The following ERBB4 variants were observed in gnomAD, a reference collection of about 807,000 sequenced individuals.
ERBB4 encodes the protein receptor tyrosine-protein kinase erbB-4.
ERBB4 carries 42 observed loss-of-function variants against 158.0 expected under a neutral mutation model. That is an observed-to-expected ratio of 0.27 (90% CI 0.21 to 0.34). The LOEUF is 0.34. Ranked by LOEUF, ERBB4 falls within the 10% of genes least tolerant of loss-of-function variation. The pLI is 1.00. For missense variants in ERBB4, 1,333 were observed against 1,624.1 expected, an observed-to-expected ratio of 0.82 and a Z score of 3.08; for synonymous variants, 583 against 558.7, an observed-to-expected ratio of 1.04 and a Z score of -0.61.
intron 3 of ERBB4, among the ~76,000 whole-genome samples, chr2:211,797,379 A>C (rs1007150496): frequency 1.3e-5 from 2 of 151,948 alleles, no homozygotes; most frequent in African/African-American, 4.8e-5. Flanking sequence ...CCACTATATT[A>C]GTTTGTATAG....
In ERBB4 at chr2:211,679,170, C is replaced by G; in HGVS notation, c.1504G>C (p.Val502Leu). The G allele has an allele frequency of 1.2e-6, 2 of 1,613,802 alleles. No individual in the cohort carries two copies. Among genetic ancestry groups the G allele is most frequent in the South Asian group, 1.1e-5 (1 of 91,068 alleles). ...TCACTGGAACACAGATGGTTGCACA[C>G]CATTCCTTCAGCAGCTGTGAAACAC... The part of the protein sequence containing the change: ...KAENCTAEGM[V>L]CNHLCSSDGC... Residue 502 changes from valine (V) to leucine (L), a missense_variant, in exon 13 of 28, where the codon GTG (valine) becomes CTG (leucine). Physicochemically the swap from Val to Leu is conservative, Grantham distance 32. Coordinates refer to ENST00000342788, the MANE Select transcript of ERBB4 (RefSeq NM_005235.3).
At chr2:212,280,775 T>C (rs2085727554) in intron 1 of ERBB4, among the ~76,000 whole-genome samples, 1 of 151,560 alleles carries the variant, frequency 6.6e-6, no homozygotes, top group African/African-American at 2.4e-5. Flanking sequence ...GCATCATGAA[T>C]TGAATGAAAC....
intron 16 of ERBB4, among the ~76,000 whole-genome samples, chr2:211,646,843 G>C (rs2070796155): frequency 6.6e-6 from 1 of 151,584 alleles, no homozygotes; most frequent in South Asian, 2.1e-4. Flanking sequence ...GCAAAATAGG[G>C]TGACCTTCAA....
chr2:211,975,604 T>C (rs546614257), intron 2 of ERBB4, among the ~76,000 whole-genome samples: 2 of 152,308 alleles, frequency 1.3e-5, no homozygotes, highest in South Asian at 2.1e-4. Flanking sequence ...TTTCAAATTA[T>C]ATATTTTGAA....
chr2:211,624,669 T>G (rs1559358841), intron 17 of ERBB4, among the ~76,000 whole-genome samples: 1 of 152,226 alleles, frequency 6.6e-6, no homozygotes, highest in Admixed American at 6.5e-5. Context: ...GCATCATAAG[T>G]GAATGCTATG....
intron 3 of ERBB4, among the ~76,000 whole-genome samples, chr2:211,914,228 T>C (rs2079622720): frequency 6.6e-6 from 1 of 151,616 alleles, no homozygotes; most frequent in Non-Finnish European, 1.5e-5. Context: ...GTACAAGCTT[T>C]CTATGCAAAG....
At chr2:211,933,681 G>A (rs917446596) in intron 3 of ERBB4, among the ~76,000 whole-genome samples, 1 of 151,854 alleles carries the variant, frequency 6.6e-6, no homozygotes, top group Non-Finnish European at 1.5e-5. Flanking sequence ...AAAAGGACTC[G>A]ACTAACAGTA....
intron 1 of ERBB4, among the ~76,000 whole-genome samples, chr2:212,238,007 G>C (rs2083942337): frequency 6.6e-6 from 1 of 152,240 alleles, no homozygotes; most frequent in African/African-American, 2.4e-5. Context: ...ATTTTAGCTT[G>C]CTGGGCTCCA....
At position 211,382,333 on chromosome 2, in the gene ERBB4, G is replaced by A. The variant is rs1320367857; in HGVS notation, c.*1282C>T. The stretch of plus-strand genomic sequence containing the variant: ...AGCAAAGGTGACATATGAAGATAAT[G>A]TGCTGGCCTCTCATCATAGTCCCTG... On this transcript the variant is annotated 3_prime_UTR_variant, in exon 28 of 28. Coordinates refer to ENST00000342788, the MANE Select transcript of ERBB4 (RefSeq NM_005235.3). 1 of 232,356 alleles carries A rather than the reference G, an allele frequency of 4.3e-6. No individual in the cohort carries two copies. The highest frequency in any genetic ancestry group is 8.5e-6 in the Non-Finnish European group (1 of 117,540). The allele number at this position is 232,356 out of a possible 1,614,324, so 14.4% of individuals were successfully genotyped here. A position where few individuals can be genotyped will look rare whatever the true frequency, so the allele number is the denominator to read the frequency against.
intron 1 of ERBB4, among the ~76,000 whole-genome samples, chr2:212,242,852 C>T (rs1379777047): frequency 6.6e-6 from 1 of 152,136 alleles, no homozygotes; most frequent in African/African-American, 2.4e-5. Flanking sequence ...GATATGGCAG[C>T]CTTCCACACT....
intron 3 of ERBB4, among the ~76,000 whole-genome samples, chr2:211,845,863 C>A (rs1286891845): frequency 6.6e-6 from 1 of 152,072 alleles, no homozygotes; most frequent in Non-Finnish European, 1.5e-5. Context: ...TTTGCTAGCC[C>A]TTTTGTTGTC....
intron 2 of ERBB4, among the ~76,000 whole-genome samples, chr2:212,003,892 C>G (rs2076200969): frequency 6.6e-6 from 1 of 152,000 alleles, no homozygotes; most frequent in African/African-American, 2.4e-5. Flanking sequence ...AGCTCCAGTC[C>G]CCTCAACGTA....
intron 2 of ERBB4, among the ~76,000 whole-genome samples, chr2:211,972,249 A>G (rs1328830685): frequency 2.6e-5 from 4 of 152,248 alleles, no homozygotes; most frequent in Non-Finnish European, 1.5e-5. Context: ...CAAAGAAGTC[A>G]GAGATGACAC....
At chr2:212,012,947 G>C (rs779677475) in intron 2 of ERBB4, among the ~76,000 whole-genome samples, 2 of 151,766 alleles carry the variant, frequency 1.3e-5, no homozygotes, top group Non-Finnish European at 1.5e-5. Flanking sequence ...GTCTCACTCT[G>C]TTGCCCAGGT....
intron 15 of ERBB4, among the ~76,000 whole-genome samples, chr2:211,663,220 G>C (rs760884187): frequency 1.3e-5 from 2 of 152,176 alleles, no homozygotes; most frequent in Non-Finnish European, 2.9e-5. Flanking sequence ...AGAATACTCT[G>C]GGACTAGAAC....
At chr2:211,644,661 T>C (rs1218102124) in intron 16 of ERBB4, among the ~76,000 whole-genome samples, 1 of 152,046 alleles carries the variant, frequency 6.6e-6, no homozygotes, top group Non-Finnish European at 1.5e-5. Context: ...ATTAAAATTG[T>C]GTATACTATT....
At chr2:211,667,426 TG>T (rs2071672416) in intron 14 of ERBB4, among the ~76,000 whole-genome samples, 1 of 150,616 alleles carries the variant, frequency 6.6e-6, no homozygotes, top group Admixed American at 6.7e-5. Context: ...ACTATTTTGC[TG>T]TGAGGCTCAG....
At chr2:211,631,959 T>A (rs1172862735) in intron 16 of ERBB4, among the ~76,000 whole-genome samples, 1 of 152,100 alleles carries the variant, frequency 6.6e-6, no homozygotes, top group Non-Finnish European at 1.5e-5. Context: ...TGGTGGATGA[T>A]TCTCAATAAA....
chr2:211,433,511 G>A (rs2063787039), intron 20 of ERBB4, among the ~76,000 whole-genome samples: 1 of 151,744 alleles, frequency 6.6e-6, no homozygotes. Flanking sequence ...AACCTGGGAG[G>A]CTGAGCTTGC....
Sources: allele counts gnomAD v4.1 joint callset (sites outside exome capture counted in the v4.1 genomes callset), GRCh38; gene constraint gnomAD v4.1.1; transcripts MANE v1.5; gene names NCBI Gene and HGNC (gene_info 2026-07-23, HGNC 2026-07-21).